KLF8: variants seen among roughly 807,000 people sequenced by gnomAD.
The protein encoded by KLF8 is KLF transcription factor 8, also known as Krueppel-like factor 8.
KLF8 carries 10 observed loss-of-function variants against 18.2 expected under a neutral mutation model. The observed-to-expected ratio is 0.55, with a 90% confidence interval of 0.34 to 0.93. The LOEUF (loss-of-function observed/expected upper bound fraction) is 0.93. KLF8 is among the 40% of genes least tolerant of loss of function. KLF8 has a pLI of 0.02. For synonymous variants in KLF8, 109 were observed against 97.3 expected, an observed-to-expected ratio of 1.12 and a Z score of -0.71; for missense variants, 264 against 277.9, an observed-to-expected ratio of 0.95 and a Z score of 0.36.
chrX:56,155,726 ATGATGC>A, the KLF8 span, among the ~76,000 whole-genome samples: 1 of 111,767 alleles, frequency 8.9e-6, no homozygotes, highest in African/African-American at 3.2e-5. Flanking sequence ...AGAATATTTC[ATGATGC>A]TGAGGTTTGG....
chrX:55,993,855 A>T, the KLF8 span, among the ~76,000 whole-genome samples: 2 of 106,032 alleles, frequency 1.9e-5, no homozygotes, highest in Admixed American at 2.0e-4. Flanking sequence ...GGGAGGTAGT[A>T]TATTCCCAGA....
the KLF8 span, among the ~76,000 whole-genome samples, chrX:55,993,758 T>C: frequency 2.9e-3 from 321 of 111,384 alleles, 3 homozygotes; most frequent in Non-Finnish European, 5.5e-3. Context: ...GGTAGTTTTT[T>C]GGTTTTGTTT....
At chrX:56,185,329 G>C in the KLF8 span, among the ~76,000 whole-genome samples, 1 of 111,744 alleles carries the variant, frequency 8.9e-6, no homozygotes, top group Non-Finnish European at 1.9e-5. Context: ...AGAGAAAAAA[G>C]AATAAAAAGA....
At chrX:55,931,224 G>T in the KLF8 span, among the ~76,000 whole-genome samples, 1 of 111,939 alleles carries the variant, frequency 8.9e-6, no homozygotes, top group Non-Finnish European at 1.9e-5. Flanking sequence ...TTGTATTTCT[G>T]TGGGATCAGT....
At chrX:56,085,112 G>A in the KLF8 span, among the ~76,000 whole-genome samples, 7 of 111,793 alleles carry the variant, frequency 6.3e-5, no homozygotes, top group African/African-American at 1.6e-4. Context: ...GAGCTAATTA[G>A]CCCCAGAGAA....
At chrX:55,948,904 C>T in the KLF8 span, among the ~76,000 whole-genome samples, 1 of 112,180 alleles carries the variant, frequency 8.9e-6, no homozygotes, top group Non-Finnish European at 1.9e-5. Context: ...AGTAAGCACT[C>T]CACAGGCATT....
At chrX:56,220,598 G>A in the KLF8 span, among the ~76,000 whole-genome samples, 1 of 111,086 alleles carries the variant, frequency 9.0e-6, no homozygotes, top group Admixed American at 9.6e-5. Flanking sequence ...CGATTCTCCT[G>A]CCTCAGCCTC....
the KLF8 span, among the ~76,000 whole-genome samples, chrX:56,199,056 G>C: frequency 8.9e-6 from 1 of 111,844 alleles, no homozygotes; most frequent in Non-Finnish European, 1.9e-5. Flanking sequence ...GCTGAAACTA[G>C]ATCCCTTCCT....
At chrX:56,057,044 G>C in the KLF8 span, among the ~76,000 whole-genome samples, 2 of 66,150 alleles carry the variant, frequency 3.0e-5, no homozygotes, top group African/African-American at 6.9e-5. Flanking sequence ...CAGGGGCTTG[G>C]GGGACTGCCT....
chrX:56,049,806 C>CT, the KLF8 span, among the ~76,000 whole-genome samples: 1 of 110,123 alleles, frequency 9.1e-6, no homozygotes, highest in African/African-American at 3.3e-5. Context: ...AGGATTCCCT[C>CT]TTTTTCTATT....
the KLF8 span, among the ~76,000 whole-genome samples, chrX:56,088,143 T>A: frequency 9.0e-6 from 1 of 111,156 alleles, no homozygotes; most frequent in South Asian, 3.7e-4. Context: ...ATAGTCCAAA[T>A]AGAAGAAACC....
chrX:55,999,322 G>A, the KLF8 span, among the ~76,000 whole-genome samples: 663 of 34,331 alleles, frequency 0.019, 5 homozygotes, highest in African/African-American at 0.088. Flanking sequence ...TGACTATCTG[G>A]GCTCTTTTTT....
At chrX:56,167,653 A>G in the KLF8 span, among the ~76,000 whole-genome samples, 2 of 111,981 alleles carry the variant, frequency 1.8e-5, no homozygotes, top group Non-Finnish European at 3.8e-5. Flanking sequence ...TTGCAGTCCT[A>G]TTTAATAAGA....
At chrX:56,090,750 T>C in the KLF8 span, among the ~76,000 whole-genome samples, 4 of 111,596 alleles carry the variant, frequency 3.6e-5, no homozygotes, top group Admixed American at 3.8e-4. Flanking sequence ...CTGTACCCAA[T>C]ACATAATTTT....
At chrX:55,991,787 A>T in the KLF8 span, among the ~76,000 whole-genome samples, 1 of 112,143 alleles carries the variant, frequency 8.9e-6, no homozygotes, top group Admixed American at 9.4e-5. Flanking sequence ...CTTTATAATA[A>T]TTGTCATTTT....
chrX:55,946,567 T>C, the KLF8 span, among the ~76,000 whole-genome samples: 1 of 111,599 alleles, frequency 9.0e-6, no homozygotes, highest in Non-Finnish European at 1.9e-5. Flanking sequence ...ATTCAGGACA[T>C]AGGCATGGGC....
the KLF8 span, among the ~76,000 whole-genome samples, chrX:55,999,945 C>G: frequency 8.9e-6 from 1 of 111,914 alleles, no homozygotes; most frequent in Non-Finnish European, 1.9e-5. Flanking sequence ...ATACTTTCAA[C>G]TTTTCCATAT....
At chrX:56,158,477 G>C in the KLF8 span, among the ~76,000 whole-genome samples, 1 of 111,705 alleles carries the variant, frequency 9.0e-6, no homozygotes, top group South Asian at 3.8e-4. Flanking sequence ...AAATTCCCTT[G>C]GGGAGTATGG....
At chrX:56,214,843 C>A in the KLF8 span, among the ~76,000 whole-genome samples, 1 of 112,152 alleles carries the variant, frequency 8.9e-6, no homozygotes, top group African/African-American at 3.2e-5. Flanking sequence ...GGAATCCAGG[C>A]AGTCCAACTC....
Sources: gnomAD v4.1 joint callset for allele counts (sites outside exome capture counted in the v4.1 genomes callset) on GRCh38, gnomAD v4.1.1 for gene constraint, MANE v1.5 for transcripts, NCBI Gene and HGNC (gene_info 2026-07-23, HGNC 2026-07-21) for gene names.